The following CCDC88C variants were observed in gnomAD, a reference collection of about 807,000 sequenced individuals.
CCDC88C encodes protein Daple.
CCDC88C carries 131 observed loss-of-function variants against 198.8 expected under a neutral mutation model. That is an observed-to-expected ratio of 0.66 (90% CI 0.57 to 0.76). CCDC88C has a LOEUF of 0.76. CCDC88C is among the 30% of genes least tolerant of loss of function. The pLI, the probability that CCDC88C is intolerant of heterozygous loss-of-function variation, is 0.00. For synonymous variants in CCDC88C, 1,166 were observed against 1,114.7 expected (o/e 1.05, Z -0.92); for missense variants, 2,553 against 2,631.6 (o/e 0.97, Z 0.65).
intron 20 of CCDC88C, among the ~76,000 whole-genome samples, chr14:91,302,619 G>A (rs1263580159): frequency 6.6e-6 from 1 of 152,204 alleles, no homozygotes; most frequent in Non-Finnish European, 1.5e-5. Flanking sequence ...AGTTTTACCT[G>A]TAAAAAATGG....
intron 15 of CCDC88C, among the ~76,000 whole-genome samples, chr14:91,310,911 T>C (rs116183287): frequency 0.021 from 3,161 of 152,278 alleles, 126 homozygotes; most frequent in African/African-American, 0.072. Context: ...TGATGCTCAT[T>C]ACCTGCTCCC....
At chr14:91,399,854 A>AGAAG (rs1555429796) in intron 3 of CCDC88C, among the ~76,000 whole-genome samples, 1 of 141,298 alleles carries the variant, frequency 7.1e-6, no homozygotes, top group Admixed American at 7.1e-5. Flanking sequence ...AAAAAAAAAA[A>AGAAG]AAGAAGAAGA....
intron 22 of CCDC88C, among the ~76,000 whole-genome samples, chr14:91,296,264 G>A (rs760938551): frequency 2.6e-5 from 4 of 152,238 alleles, no homozygotes; most frequent in Non-Finnish European, 5.9e-5. Context: ...TCCACCCTGA[G>A]TGAATCATCA....
chr14:91,294,094 G>A (rs1440532399), intron 23 of CCDC88C, 79 bp downstream of exon 23: 27 of 1,551,322 alleles, frequency 1.7e-5, no homozygotes, highest in Middle Eastern at 2.0e-4. Context: ...TCTCTGCATG[G>A]GAAGCCAGGA....
At chr14:91,318,241 G>A (rs900362302) in intron 13 of CCDC88C, among the ~76,000 whole-genome samples, 1 of 151,802 alleles carries the variant, frequency 6.6e-6, no homozygotes, top group East Asian at 1.9e-4. Flanking sequence ...GCAACATAAA[G>A]AGACCCCAGT....
chr14:91,290,296 CAAT>C (rs1392492763), intron 24 of CCDC88C, among the ~76,000 whole-genome samples: 1 of 152,164 alleles, frequency 6.6e-6, no homozygotes, highest in Non-Finnish European at 1.5e-5. Context: ...CAAAACAAAA[CAAT>C]AAGCACACAC....
At chr14:91,346,697 G>A (rs1567090425) in intron 4 of CCDC88C, among the ~76,000 whole-genome samples, 1 of 152,144 alleles carries the variant, frequency 6.6e-6, no homozygotes, top group Admixed American at 6.5e-5. Context: ...TCAGGAGTTC[G>A]AAACCAGCCT....
At chr14:91,342,137 A>C (rs1893336957) in intron 6 of CCDC88C, 1 of 407,528 alleles carries the variant, frequency 2.5e-6, no homozygotes, top group Non-Finnish European at 4.4e-6. Context: ...ACAAAAGATG[A>C]CTTGATTGAG....
intron 2 of CCDC88C, among the ~76,000 whole-genome samples, chr14:91,410,713 A>G (rs1171632691): frequency 6.6e-6 from 1 of 152,272 alleles, no homozygotes; most frequent in African/African-American, 2.4e-5. Flanking sequence ...TACTGTAGAT[A>G]CCTTAAAAGA....
chr14:91,377,549 C>CAA (rs1884510776), intron 3 of CCDC88C, among the ~76,000 whole-genome samples: 1 of 152,094 alleles, frequency 6.6e-6, no homozygotes, highest in Non-Finnish European at 1.5e-5. Context: ...CAGATGGCCC[C>CAA]CCCCCGGTGC....
At chr14:91,397,957 G>A (rs774259174) in intron 3 of CCDC88C, among the ~76,000 whole-genome samples, 72 of 152,330 alleles carry the variant, frequency 4.7e-4, no homozygotes, top group Non-Finnish European at 9.3e-4. Flanking sequence ...GCAGCTTTCC[G>A]GGGCTGTTTC....
At chr14:91,337,539 C>T (rs1893100965) in intron 10 of CCDC88C, among the ~76,000 whole-genome samples, 1 of 152,206 alleles carries the variant, frequency 6.6e-6, no homozygotes, top group Non-Finnish European at 1.5e-5. Flanking sequence ...CAGAGTCTTG[C>T]TATGTTGCCC....
chr14:91,317,203 G>A lies in CCDC88C; in HGVS notation c.1528-1416C>T, dbSNP rs560021479. On this transcript the variant is annotated intron_variant, in intron 13 of 29. Transcript: ENST00000389857. Reference sequence around the variant, plus strand: ...GGGCTTCTCTAGGACCCATGGAGGTGCCTTGAGTTAGAGAGAAAGATGTTT... The same window carrying A: ...GGGCTTCTCTAGGACCCATGGAGGTACCTTGAGTTAGAGAGAAAGATGTTT... Among the ~76,000 whole-genome samples, 3 of 152,332 alleles carry A rather than the reference G, an allele frequency of 2.0e-5. No homozygotes were observed. The South Asian group carries it at 6.2e-4, about 32-fold the overall frequency.
intron 20 of CCDC88C, among the ~76,000 whole-genome samples, chr14:91,303,276 GCCTCTCCTGAGAC>G (rs1190934389): frequency 1.7e-4 from 24 of 140,680 alleles, no homozygotes; most frequent in South Asian, 4.6e-4. Context: ...CCAAAGCCCT[GCCTCTCCTGAGAC>G]CCTCTCCTGA....
chr14:91,320,834 C>A (rs1043609888), intron 13 of CCDC88C, among the ~76,000 whole-genome samples: 4 of 152,162 alleles, frequency 2.6e-5, no homozygotes, highest in Non-Finnish European at 2.9e-5. Context: ...CCCCATCAAC[C>A]CCATTTCACA....
intron 29 of CCDC88C, among the ~76,000 whole-genome samples, chr14:91,275,822 T>TC (rs1174627705): frequency 8.0e-6 from 1 of 125,036 alleles, no homozygotes; most frequent in East Asian, 2.2e-4. Flanking sequence ...GTGGTTCTTT[T>TC]TTTTTTTTTT....
intron 3 of CCDC88C, among the ~76,000 whole-genome samples, chr14:91,395,920 CA>C (rs1885812887): frequency 2.0e-5 from 3 of 152,188 alleles, no homozygotes; most frequent in Admixed American, 2.0e-4. Context: ...CCCTAAATAC[CA>C]CCAACTCAGA....
chr14:91,308,607 C>T (rs1053030812), intron 16 of CCDC88C, 115 bp from the exon 17 acceptor site: 4 of 1,105,812 alleles, frequency 3.6e-6, no homozygotes, highest in Admixed American at 1.9e-5. Flanking sequence ...GGAGCTGCTG[C>T]AGCTTTTGGC....
intron 15 of CCDC88C, among the ~76,000 whole-genome samples, chr14:91,311,827 C>T (rs1296080205): frequency 1.3e-5 from 2 of 152,056 alleles, no homozygotes; most frequent in African/African-American, 4.8e-5. Flanking sequence ...ACTCTTTGAC[C>T]CTGTAATTCC....
Sources: gnomAD v4.1 joint callset for allele counts (sites outside exome capture counted in the v4.1 genomes callset) on GRCh38, gnomAD v4.1.1 for gene constraint, MANE v1.5 for transcripts, NCBI Gene and HGNC (gene_info 2026-07-23, HGNC 2026-07-21) for gene names.